PAPPA2: variants seen among roughly 807,000 people sequenced by gnomAD.
The protein encoded by PAPPA2 is pappalysin 2.
A neutral mutation model predicts 176.4 loss-of-function variants in PAPPA2; 86 were observed. That is an observed-to-expected ratio of 0.49 (90% CI 0.41 to 0.58). The LOEUF (loss-of-function observed/expected upper bound fraction) is 0.58. Ranked by LOEUF, PAPPA2 falls within the 20% of genes least tolerant of loss-of-function variation. The pLI is 0.00. For synonymous variants in PAPPA2, 809 were observed against 852.2 expected (o/e 0.95, Z 0.88); for missense variants, 2,073 against 2,256.9 (o/e 0.92, Z 1.65).
At chr1:176,769,857 CT>C (rs1664145683) in intron 16 of PAPPA2, 73 bp downstream of exon 16, 3 of 1,425,662 alleles carry the variant, frequency 2.1e-6, no homozygotes, top group Admixed American at 4.8e-5. Flanking sequence ...CTTTGGGACT[CT>C]TTTCGTTACC....
intron 3 of PAPPA2, among the ~76,000 whole-genome samples, chr1:176,614,251 C>T (rs1464730777): frequency 6.6e-6 from 1 of 152,050 alleles, no homozygotes; most frequent in Admixed American, 6.6e-5. Context: ...CTTAATTTAC[C>T]AGCCTTTACT....
chr1:176,790,306 G>T (rs576467328), intron 18 of PAPPA2, among the ~76,000 whole-genome samples: 2 of 152,188 alleles, frequency 1.3e-5, no homozygotes, highest in East Asian at 3.9e-4. Context: ...ACAAATACTA[G>T]TATTATTATT....
At chr1:176,570,392 A>T (rs1320265223) in intron 2 of PAPPA2, among the ~76,000 whole-genome samples, 1 of 152,198 alleles carries the variant, frequency 6.6e-6, no homozygotes, top group African/African-American at 2.4e-5. Flanking sequence ...TCATTTATTC[A>T]GCTGATGCTT....
chr1:176,774,223 G>A (rs1664351807), intron 17 of PAPPA2, among the ~76,000 whole-genome samples: 1 of 151,796 alleles, frequency 6.6e-6, no homozygotes, highest in Non-Finnish European at 1.5e-5. Context: ...AACTTGTCAG[G>A]CATGATGCTC....
chr1:176,754,952 C>A (rs772013100), intron 14 of PAPPA2, among the ~76,000 whole-genome samples: 1 of 152,140 alleles, frequency 6.6e-6, no homozygotes, highest in African/African-American at 2.4e-5. Context: ...AATGCCCAGA[C>A]CCCTGCTTCT....
intron 17 of PAPPA2, among the ~76,000 whole-genome samples, 186 bp downstream of exon 17, chr1:176,771,366 T>G (rs547749211): frequency 1.1e-4 from 17 of 152,354 alleles, no homozygotes; most frequent in Non-Finnish European, 1.0e-4. Context: ...TTGCATACTT[T>G]TTAAAATAAT....
intron 4 of PAPPA2, among the ~76,000 whole-genome samples, chr1:176,680,234 C>T (rs903127657): frequency 1.3e-5 from 2 of 152,146 alleles, no homozygotes; most frequent in African/African-American, 4.8e-5. Context: ...GCTAAATCTT[C>T]AGTAACATTA....
At chr1:176,708,059 A>G (rs1217432458) in intron 10 of PAPPA2, among the ~76,000 whole-genome samples, 1 of 152,104 alleles carries the variant, frequency 6.6e-6, no homozygotes, top group East Asian at 1.9e-4. Context: ...CTCTGTTAGC[A>G]TTATTTCTTT....
At chr1:176,580,873 A>T (rs141040045) in intron 2 of PAPPA2, among the ~76,000 whole-genome samples, 1 of 152,018 alleles carries the variant, frequency 6.6e-6, no homozygotes, top group East Asian at 1.9e-4. Flanking sequence ...CATATTCTGG[A>T]TATTAAACCA....
intron 3 of PAPPA2, among the ~76,000 whole-genome samples, chr1:176,634,869 G>C (rs749609795): frequency 2.0e-5 from 2 of 99,070 alleles, no homozygotes; most frequent in African/African-American, 8.5e-5. Flanking sequence ...TAGATACATA[G>C]ATAGATACAT....
intron 21 of PAPPA2, among the ~76,000 whole-genome samples, chr1:176,806,581 C>T (rs935273302): frequency 2.0e-5 from 3 of 152,190 alleles, no homozygotes; most frequent in Non-Finnish European, 1.5e-5. Context: ...AAAGGCTTAA[C>T]ACAGCTCCAT....
At chr1:176,647,274 A>G (rs546109129) in intron 3 of PAPPA2, among the ~76,000 whole-genome samples, 1 of 151,484 alleles carries the variant, frequency 6.6e-6, no homozygotes, top group East Asian at 2.0e-4. Flanking sequence ...TTTTTTTCCA[A>G]TTGAGTTGTT....
At chr1:176,589,022 G>A (rs1653495574) in intron 2 of PAPPA2, among the ~76,000 whole-genome samples, 1 of 152,122 alleles carries the variant, frequency 6.6e-6, no homozygotes, top group Admixed American at 6.6e-5. Flanking sequence ...GATAATTCAA[G>A]TCTCTTTATC....
At chr1:176,734,573 C>T (rs1162595447) in intron 12 of PAPPA2, among the ~76,000 whole-genome samples, 1 of 152,092 alleles carries the variant, frequency 6.6e-6, no homozygotes, top group African/African-American at 2.4e-5. Flanking sequence ...TTTTGACCCA[C>T]ATCCTCAATC....
chr1:176,611,704 C>T (rs1654938907), intron 3 of PAPPA2, among the ~76,000 whole-genome samples: 1 of 152,136 alleles, frequency 6.6e-6, no homozygotes, highest in Admixed American at 6.5e-5. Flanking sequence ...TCTTGGGGAG[C>T]TATTAGAGCA....
chr1:176,513,404 T>C (rs1162231367), intron 1 of PAPPA2, among the ~76,000 whole-genome samples: 5 of 152,182 alleles, frequency 3.3e-5, no homozygotes, highest in Admixed American at 6.6e-5. Context: ...CCTATTTCTT[T>C]CTTAAATTGT....
intron 6 of PAPPA2, 41 bp from the exon 7 acceptor site, chr1:176,695,697 G>T: frequency 6.2e-7 from 1 of 1,608,782 alleles, no homozygotes; most frequent in Non-Finnish European, 8.5e-7. Flanking sequence ...TCATCTGATG[G>T]ACTCTCCTCA....
intron 17 of PAPPA2, among the ~76,000 whole-genome samples, chr1:176,785,166 T>A (rs1179142438): frequency 6.6e-6 from 1 of 152,166 alleles, no homozygotes; most frequent in African/African-American, 2.4e-5. Flanking sequence ...CCAAATTTCT[T>A]GGGACTAGGA....
chr1:176,555,379 CT>C (rs1411392307), intron 1 of PAPPA2, 27 bp from the exon 2 acceptor site: 1 of 152,322 alleles, frequency 6.6e-6, no homozygotes, highest in Non-Finnish European at 1.5e-5. Flanking sequence ...GTATGCTCTT[CT>C]TTTTGCTCTT....
Sources: gnomAD v4.1 joint callset for allele counts (sites outside exome capture counted in the v4.1 genomes callset) on GRCh38, gnomAD v4.1.1 for gene constraint, MANE v1.5 for transcripts, NCBI Gene and HGNC (gene_info 2026-07-23, HGNC 2026-07-21) for gene names.